The following ACAD11 variants were observed in gnomAD, a reference collection of about 807,000 sequenced individuals.
ACAD11 encodes acyl-Coenzyme A dehydrogenase family, member 11.
A neutral mutation model predicts 102.2 loss-of-function variants in ACAD11; 83 were observed. The observed-to-expected ratio is 0.81, with a 90% CI of 0.68 to 0.97. The LOEUF (loss-of-function observed/expected upper bound fraction) is 0.97. Ranked by LOEUF, ACAD11 falls within the 50% of genes least tolerant of loss-of-function variation. ACAD11 has a pLI of 0.00. For synonymous variants in ACAD11, 324 were observed against 319.8 expected, an observed-to-expected ratio of 1.01 and a Z score of -0.14; for missense variants, 901 against 951.7, an observed-to-expected ratio of 0.95 and a Z score of 0.70.
chr3:132,600,793 T>G, intron 13 of ACAD11: 5 of 1,614,034 alleles, frequency 3.1e-6, no homozygotes, highest in Non-Finnish European at 4.2e-6. Context: ...TTCTGGCTTG[T>G]ATCAGCATAG....
chr3:132,629,459 C>T (rs570552512), intron 7 of ACAD11, among the ~76,000 whole-genome samples: 2 of 152,308 alleles, frequency 1.3e-5, no homozygotes, highest in Admixed American at 6.5e-5. Flanking sequence ...CGTGCCTGGC[C>T]TATGTTGTAC....
intron 11 of ACAD11, among the ~76,000 whole-genome samples, chr3:132,613,669 T>C (rs1209100794): frequency 6.6e-6 from 1 of 151,920 alleles, no homozygotes. Flanking sequence ...GATGCCAAGG[T>C]GGATGGATCA....
intron 5 of ACAD11, among the ~76,000 whole-genome samples, chr3:132,634,078 G>A (rs1268153001): frequency 1.3e-5 from 2 of 152,156 alleles, no homozygotes; most frequent in Non-Finnish European, 2.9e-5. Context: ...AAACTAAAGA[G>A]CTTCTGCACA....
chr3:132,584,205 T>A (rs1025444866), intron 13 of ACAD11, among the ~76,000 whole-genome samples: 10 of 152,220 alleles, frequency 6.6e-5, no homozygotes, highest in African/African-American at 1.9e-4. Flanking sequence ...AGTCTCTTTG[T>A]AGGTCTCTAA....
intron 17 of ACAD11, among the ~76,000 whole-genome samples, chr3:132,562,053 T>G (rs114905791): frequency 6.6e-6 from 1 of 152,240 alleles, no homozygotes; most frequent in African/African-American, 2.4e-5. Flanking sequence ...ATGTATCAGT[T>G]GGTTTATCCA....
intron 11 of ACAD11, among the ~76,000 whole-genome samples, chr3:132,609,692 T>C (rs939264068): frequency 6.6e-6 from 1 of 152,186 alleles, no homozygotes; most frequent in Non-Finnish European, 1.5e-5. Flanking sequence ...AGTCGAATTC[T>C]ACCAGAGGTA....
chr3:132,590,166 A>T (rs1347339473), intron 13 of ACAD11, among the ~76,000 whole-genome samples: 1 of 152,220 alleles, frequency 6.6e-6, no homozygotes, highest in Non-Finnish European at 1.5e-5. Flanking sequence ...ATTCACATGC[A>T]TATGTCTTTA....
In ACAD11 at chr3:132,631,440, TG is replaced by T; in HGVS notation, c.741del (p.Ile248LeufsTer8). The T allele has an allele frequency of 6.4e-7, 1 of 1,553,750 alleles. No individual in the cohort carries two copies. The highest frequency in any genetic ancestry group is 8.7e-7 in the Non-Finnish European group (1 of 1,146,954). ...GCTAAGTCTGACAAAGGATGACCAATGGTTGACAGCTCCCAATCCAGCACTG... is the reference window on the plus strand; with the variant it reads ...GCTAAGTCTGACAAAGGATGACCAATGTTGACAGCTCCCAATCCAGCACTG... ...VIAVLDWELS[T>X]IGHPLSDLAH... On this transcript the variant is annotated frameshift_variant, in exon 6 of 20. Coordinates refer to ENST00000264990, the MANE Select transcript of ACAD11 (RefSeq NM_032169.5). LOFTEE classifies it high-confidence loss of function.
chr3:132,571,905 G>A (rs1393254521), intron 17 of ACAD11, among the ~76,000 whole-genome samples: 1 of 152,046 alleles, frequency 6.6e-6, no homozygotes, highest in Non-Finnish European at 1.5e-5. Flanking sequence ...AGGTATTCGA[G>A]GAACATACCT....
intron 17 of ACAD11, among the ~76,000 whole-genome samples, chr3:132,573,575 T>C (rs1937446093): frequency 1.3e-5 from 2 of 152,178 alleles, no homozygotes; most frequent in Admixed American, 1.3e-4. Flanking sequence ...GCCCTAGAGG[T>C]TGAAACATGG....
chr3:132,621,323 A>C (rs1939598948), intron 9 of ACAD11: 1 of 152,222 alleles, frequency 6.6e-6, no homozygotes, highest in South Asian at 2.1e-4. Context: ...GGGAAAAAAG[A>C]AAGATTACTG....
intron 9 of ACAD11, among the ~76,000 whole-genome samples, chr3:132,623,769 A>G (rs1313047829): frequency 2.0e-5 from 3 of 152,242 alleles, no homozygotes; most frequent in Non-Finnish European, 2.9e-5. Flanking sequence ...AACCTGTGAC[A>G]CCTCTTCTGT....
rs544750593 is a variant in ACAD11 at position 132,561,132 on chromosome 3, T to A, written c.2087A>T (p.Asp696Val). 30 of 1,613,394 alleles carry A rather than the reference T, an allele frequency of 1.9e-5. No individual in the cohort carries two copies. The South Asian group carries it at 3.3e-4, about 18-fold the overall frequency. The change falls in exon 18 of 20, where the codon GAC becomes GTC. Residue 696 changes from aspartate (D) to valine (V), a missense_variant. Asp to Val is a radical substitution (Grantham distance 152). Transcript: ENST00000264990. ...LLTLKAAHSM[D>V]TLGSAGAKKE... ...CTTAGCGCCAGCACTGCCCAGAGTG[T>A]CCATGCTGTGAGCAGCTTTCAGAGT... is the stretch of plus-strand genomic sequence containing the variant.
At chr3:132,635,677 G>A (rs1310052183) in intron 5 of ACAD11, among the ~76,000 whole-genome samples, 1 of 152,104 alleles carries the variant, frequency 6.6e-6, no homozygotes, top group Non-Finnish European at 1.5e-5. Context: ...TCATGTATGA[G>A]TTTCTAGCAA....
chr3:132,592,855 G>A (rs1938139058), intron 13 of ACAD11, among the ~76,000 whole-genome samples: 1 of 152,252 alleles, frequency 6.6e-6, no homozygotes, highest in South Asian at 2.1e-4. Flanking sequence ...AAAATCCCAT[G>A]TGTTCTCTTA....
intron 17 of ACAD11, among the ~76,000 whole-genome samples, chr3:132,565,228 G>A (rs974906554): frequency 3.9e-5 from 6 of 152,152 alleles, no homozygotes; most frequent in African/African-American, 9.7e-5. Context: ...TCCCCTGCCA[G>A]GAAGGTATCA....
At chr3:132,639,126 A>C (rs1415167150) in intron 5 of ACAD11, among the ~76,000 whole-genome samples, 1 of 152,230 alleles carries the variant, frequency 6.6e-6, no homozygotes, top group Non-Finnish European at 1.5e-5. Context: ...AGATAGGGCT[A>C]AAAACCCCAA....
intron 11 of ACAD11, among the ~76,000 whole-genome samples, chr3:132,613,763 G>A (rs1212113600): frequency 2.0e-5 from 3 of 152,014 alleles, no homozygotes; most frequent in African/African-American, 7.3e-5. Context: ...GTCGGGCATG[G>A]TGGCAGGCTC....
At position 132,618,722 on chromosome 3, in the gene ACAD11, G is replaced by A. The variant is rs374685765; in HGVS notation, c.1326C>T (p.Ser442=). 2.6e-5 allele frequency: 41 copies of A among 1,599,482 alleles called. No individual in the cohort carries two copies. Among genetic ancestry groups the A allele is most frequent in the Middle Eastern group, 1.7e-4 (1 of 6,052 alleles). The part of the protein sequence containing the change: ...GLWNLFLPAV[S]GLSHVDYALI... ...AGGCATAGTCCACGTGGCTGAGTCCGCTGACAGCTGGCAAAAACAAGTTCC... is the reference window on the plus strand; with the variant it reads ...AGGCATAGTCCACGTGGCTGAGTCCACTGACAGCTGGCAAAAACAAGTTCC... The change falls in exon 11 of 20, where the codon AGC becomes AGT. Residue 442 remains serine, a synonymous_variant. Transcript: ENST00000264990.
Sources: gnomAD v4.1 joint callset for allele counts (sites outside exome capture counted in the v4.1 genomes callset) on GRCh38, gnomAD v4.1.1 for gene constraint, MANE v1.5 for transcripts, NCBI Gene and HGNC (gene_info 2026-07-23, HGNC 2026-07-21) for gene names.